The following NDFIP1 variants were observed in gnomAD, a reference collection of about 807,000 sequenced individuals.
NDFIP1 encodes NEDD4 family-interacting protein 1.
In NDFIP1, 7 loss-of-function variants were observed where a neutral mutation model predicts 28.8. The observed-to-expected ratio is 0.24, with a 90% CI of 0.14 to 0.46. NDFIP1 has a LOEUF of 0.46. Among genes scored for constraint, NDFIP1 ranks in the 20% least tolerant of loss-of-function variants. The pLI is 0.99. For missense variants in NDFIP1, 194 were observed against 269.1 expected (o/e 0.72, Z 1.95); for synonymous variants, 92 against 101.0 (o/e 0.91, Z 0.53).
At chr5:142,131,605 T>C (rs1757227743) in intron 1 of NDFIP1, among the ~76,000 whole-genome samples, 4 of 152,238 alleles carry the variant, frequency 2.6e-5, no homozygotes, top group Admixed American at 6.5e-5. Flanking sequence ...ACAACACTTA[T>C]ATGTACCCAT....
chr5:142,135,651 C>T, intron 3 of NDFIP1, 79 bp from the exon 4 acceptor site: 4 of 1,248,838 alleles, frequency 3.2e-6, no homozygotes, highest in Admixed American at 3.7e-5. Context: ...AACTTTTTTC[C>T]TTGCTACTCA....
Position 142,144,706 on chromosome 5 carries a change from A to G in NDFIP1, c.*2+30A>G, listed in dbSNP as rs751389239. On this transcript the variant is annotated intron_variant, in intron 7 of 7. Coordinates refer to ENST00000253814, the MANE Select transcript of NDFIP1 (RefSeq NM_030571.4). ...TAAAGAAAAAATTTATTCTAGTCCCAGTGTAACCATGTGCTACATTGTAGA... is the reference window on the plus strand; with the variant it reads ...TAAAGAAAAAATTTATTCTAGTCCCGGTGTAACCATGTGCTACATTGTAGA... 10 of 1,356,620 alleles carry G rather than the reference A, an allele frequency of 7.4e-6. No individual in the cohort carries two copies. The East Asian group carries it at 2.3e-4, about 31-fold the overall frequency. 84.0% of individuals were successfully genotyped at this position (1,356,620 alleles called of 1,614,324 possible). A position where few individuals can be genotyped will look rare whatever the true frequency, so the allele number is the denominator to read the frequency against.
intron 1 of NDFIP1, among the ~76,000 whole-genome samples, chr5:142,112,064 C>CA (rs898551253): frequency 8.7e-5 from 13 of 149,144 alleles, no homozygotes; most frequent in African/African-American, 2.2e-4. Flanking sequence ...GGGACTGTCT[C>CA]AAAAAAAACC....
In NDFIP1 at chr5:142,137,868, A is replaced by G. The variant is rs763437035; in HGVS notation, c.495+10A>G. On this transcript the variant is annotated intron_variant, in intron 5 of 7. Coordinates refer to ENST00000253814, the MANE Select transcript of NDFIP1 (RefSeq NM_030571.4). ...GATCCTGATTGTCAGGGTAAGTTGT[A>G]TAACAGAAAAGATGGGCTCTACAGA... The G allele has an allele frequency of 4.3e-6, 7 of 1,613,056 alleles. No individual in the cohort carries two copies. The highest frequency in any genetic ancestry group is 5.9e-6 in the Non-Finnish European group (7 of 1,179,434).
intron 1 of NDFIP1, among the ~76,000 whole-genome samples, chr5:142,128,065 G>A (rs1391538991): frequency 2.0e-5 from 3 of 152,072 alleles, no homozygotes; most frequent in Admixed American, 6.6e-5. Context: ...TCACTCAAAG[G>A]ATATCCCCCC....
intron 5 of NDFIP1, among the ~76,000 whole-genome samples, chr5:142,138,804 A>G (rs1220423229): frequency 6.6e-6 from 1 of 152,102 alleles, no homozygotes; most frequent in East Asian, 1.9e-4. Context: ...AGAAAATACT[A>G]TATTTTACTT....
intron 1 of NDFIP1, among the ~76,000 whole-genome samples, chr5:142,128,075 C>G (rs898407613): frequency 6.6e-6 from 1 of 152,184 alleles, no homozygotes; most frequent in African/African-American, 2.4e-5. Flanking sequence ...GATATCCCCC[C>G]TACCCTTGCC....
intron 1 of NDFIP1, among the ~76,000 whole-genome samples, chr5:142,124,172 C>T (rs539881114): frequency 6.6e-6 from 1 of 152,102 alleles, no homozygotes; most frequent in Non-Finnish European, 1.5e-5. Flanking sequence ...GTGGAGCCAT[C>T]AGTACTAGAA....
intron 1 of NDFIP1, among the ~76,000 whole-genome samples, chr5:142,113,799 A>G (rs1475520726): frequency 6.6e-6 from 1 of 152,210 alleles, no homozygotes; most frequent in Admixed American, 6.5e-5. Context: ...GTGGAATTAG[A>G]CAGGATTTGT....
At chr5:142,121,316 G>T (rs116776895) in intron 1 of NDFIP1, among the ~76,000 whole-genome samples, 1,692 of 152,256 alleles carry the variant, frequency 0.011, 11 homozygotes, top group South Asian at 0.018. Flanking sequence ...GGTTGGAGAT[G>T]CCTGTTTCTC....
At position 142,131,874 on chromosome 5, in the gene NDFIP1, A is replaced by G. The variant is rs540592470; in HGVS notation, c.130A>G (p.Ser44Gly). The change falls in exon 2 of 8, where the codon AGC (serine) becomes GGC (glycine). Residue 44 changes from serine (S) to glycine (G), a missense_variant. By Grantham distance (56) the Ser-to-Gly change is moderately conservative. Coordinates refer to ENST00000253814, the MANE Select transcript of NDFIP1 (RefSeq NM_030571.4). The part of the protein sequence containing the change: ...AAGDAPPPYS[S>G]ISAESAAYFD... ...AGGTGATGCTCCTCCACCTTACAGC[A>G]GCATTTCTGCAGAGAGCGCAGGTAG... is the stretch of plus-strand genomic sequence containing the variant. 1.2e-6 allele frequency: 2 copies of G among 1,602,070 alleles called. No homozygotes were observed. The highest frequency in any genetic ancestry group is 1.3e-5 in the African/African-American group (1 of 74,176).
At chr5:142,116,981 G>A (rs1757075030) in intron 1 of NDFIP1, among the ~76,000 whole-genome samples, 1 of 152,088 alleles carries the variant, frequency 6.6e-6, no homozygotes, top group Non-Finnish European at 1.5e-5. Flanking sequence ...AAAGTGCTGG[G>A]ATTACAGGCA....
chr5:142,144,976 C>G (rs1757373192), intron 7 of NDFIP1, among the ~76,000 whole-genome samples: 1 of 152,210 alleles, frequency 6.6e-6, no homozygotes, highest in South Asian at 2.1e-4. Flanking sequence ...TGACTGAATT[C>G]CAGCATCCTG....
chr5:142,132,189 T>C (rs749955516), intron 2 of NDFIP1, 23 bp from the exon 3 acceptor site: 53 of 1,603,388 alleles, frequency 3.3e-5, no homozygotes, highest in Non-Finnish European at 4.2e-5. Context: ...CATCAAAAAA[T>C]TGTGACTGTT....
chr5:142,140,754 T>C, intron 6 of NDFIP1, 125 bp downstream of exon 6: 3 of 706,796 alleles, frequency 4.2e-6, no homozygotes, highest in South Asian at 2.7e-5. Context: ...ATAATAAACA[T>C]TTTTAAAATG....
chr5:142,141,084 T>C (rs1451894562), intron 6 of NDFIP1, among the ~76,000 whole-genome samples: 3 of 151,764 alleles, frequency 2.0e-5, no homozygotes, highest in Non-Finnish European at 4.4e-5. Flanking sequence ...AGACATAACT[T>C]CTGAAAGAAC....
chr5:142,135,779 G>A lies in NDFIP1; in HGVS notation c.332G>A (p.Arg111Lys). The A allele has an allele frequency of 5.6e-6, 9 of 1,613,778 alleles. No individual in the cohort carries two copies. Among genetic ancestry groups the A allele is most frequent in the Non-Finnish European group, 7.6e-6 (9 of 1,179,842 alleles). ...RDDFDDADQL[R>K]IGNDGIFMLT... ...GATTTTGATGATGCTGACCAGCTGAGGATAGGAAATGATGGGATTTTCATG... is the reference window on the plus strand; with the variant it reads ...GATTTTGATGATGCTGACCAGCTGAAGATAGGAAATGATGGGATTTTCATG... Residue 111 changes from arginine (R) to lysine (K), a missense_variant, in exon 4 of 8, where the codon AGG (arginine) becomes AAG (lysine). By Grantham distance (26) the Arg-to-Lys change is conservative. Transcript: ENST00000253814.
intron 7 of NDFIP1, among the ~76,000 whole-genome samples, chr5:142,146,492 C>A (rs181826): frequency 0.68 from 102,676 of 152,080 alleles, 35,010 homozygotes; most frequent in African/African-American, 0.78. Flanking sequence ...TCAAGGATTC[C>A]AAAGCTAGTA....
At chr5:142,128,606 T>G (rs954771262) in intron 1 of NDFIP1, among the ~76,000 whole-genome samples, 1 of 152,238 alleles carries the variant, frequency 6.6e-6, no homozygotes. Context: ...TACATTGCAG[T>G]GTTTTGTTTT....
Sources: gnomAD v4.1 joint callset for allele counts (sites outside exome capture counted in the v4.1 genomes callset) on GRCh38, gnomAD v4.1.1 for gene constraint, MANE v1.5 for transcripts, NCBI Gene and HGNC (gene_info 2026-07-23, HGNC 2026-07-21) for gene names.